The following DCAF6 variants were observed in gnomAD, a reference collection of about 807,000 sequenced individuals.
DCAF6 encodes the protein DDB1- and CUL4-associated factor 6.
DCAF6 carries 54 observed loss-of-function variants against 125.1 expected under a neutral mutation model. The observed-to-expected ratio is 0.43, with a 90% CI of 0.35 to 0.54. The LOEUF (loss-of-function observed/expected upper bound fraction) is 0.54. Among genes scored for constraint, DCAF6 ranks in the 20% least tolerant of loss-of-function variants. The pLI, the probability that DCAF6 is intolerant of heterozygous loss-of-function variation, is 0.01. For synonymous variants in DCAF6, 371 were observed against 390.4 expected (o/e 0.95, Z 0.58); for missense variants, 934 against 1,161.7 (o/e 0.80, Z 2.85).
chr1:167,916,476 G>A, the DCAF6 span, among the ~76,000 whole-genome samples: 14 of 152,226 alleles, frequency 9.2e-5, no homozygotes, highest in East Asian at 1.9e-4. Context: ...CAAAGTGCTC[G>A]GATTACAGGC....
upstream of DCAF6, among the ~76,000 whole-genome samples, chr1:167,931,092 C>G (rs1390325697): frequency 1.3e-5 from 2 of 152,168 alleles, no homozygotes; most frequent in Non-Finnish European, 2.9e-5. Flanking sequence ...CCACCATGCC[C>G]AGCTAAATTT....
Position 168,038,412 on chromosome 1 carries a change from G to T in DCAF6, c.1651G>T (p.Glu551Ter). The T allele has an allele frequency of 6.2e-7, 1 of 1,612,138 alleles. No homozygotes were observed. Among genetic ancestry groups the T allele is most frequent in the South Asian group, 1.1e-5 (1 of 90,688 alleles). ...EKLSPKPGTG[E>*]PVLSLHYSTE... ...GCTGAGCCCCAAACCAGGGACAGGT[G>T]AACCAGTTTTAAGTTTGCACTACAG... The change falls in exon 13 of 22, where the codon GAA becomes TAA. Residue 551 changes from glutamate to a stop codon, truncating the protein, a stop_gained. Coordinates refer to ENST00000367840, the MANE Select transcript of DCAF6 (RefSeq NM_001198956.2). LOFTEE classifies it high-confidence loss of function.
intron 13 of DCAF6, among the ~76,000 whole-genome samples, chr1:168,041,892 GCGCA>G (rs66514173): frequency 0.39 from 46,333 of 119,460 alleles, 8,269 homozygotes; most frequent in Admixed American, 0.53. Context: ...CATGTTTGTC[GCGCA>G]CACACACACA....
chr1:167,953,098 T>G (rs1014939161), intron 2 of DCAF6, among the ~76,000 whole-genome samples: 1 of 152,202 alleles, frequency 6.6e-6, no homozygotes. Flanking sequence ...AATTTAATAA[T>G]ATTGACTGTT....
chr1:167,886,211 T>C, the DCAF6 span, among the ~76,000 whole-genome samples: 1 of 152,124 alleles, frequency 6.6e-6, no homozygotes, highest in Non-Finnish European at 1.5e-5. Context: ...AAAGTTCATA[T>C]GGAACCAAAA....
chr1:168,018,221 AG>A (rs1162288847), intron 11 of DCAF6, among the ~76,000 whole-genome samples: 2 of 152,242 alleles, frequency 1.3e-5, no homozygotes, highest in Admixed American at 6.5e-5. Flanking sequence ...GGATAATCCC[AG>A]ATGGAATATT....
chr1:168,012,986 A>G (rs921150754), intron 10 of DCAF6, among the ~76,000 whole-genome samples: 3 of 152,298 alleles, frequency 2.0e-5, no homozygotes, highest in Non-Finnish European at 2.9e-5. Flanking sequence ...TGACACTCCA[A>G]TGAAATTGAT....
intron 1 of DCAF6, among the ~76,000 whole-genome samples, chr1:167,949,657 A>AT (rs1203606554): frequency 3.3e-5 from 5 of 152,070 alleles, no homozygotes; most frequent in African/African-American, 1.2e-4. Context: ...TGAGTAGTAA[A>AT]TTTTTTTGCC....
the DCAF6 span, among the ~76,000 whole-genome samples, chr1:167,874,536 T>C: frequency 6.6e-6 from 1 of 152,208 alleles, no homozygotes; most frequent in Admixed American, 6.5e-5. Context: ...TCAGTCAGAA[T>C]ATAAATAAAT....
chr1:167,938,220 G>T (rs534358091), intron 1 of DCAF6, among the ~76,000 whole-genome samples: 36 of 152,044 alleles, frequency 2.4e-4, no homozygotes, highest in African/African-American at 8.2e-4. Context: ...CTTTTTGTTT[G>T]CATTCTTACA....
rs111603041 is a variant in DCAF6 at position 167,952,420 on chromosome 1, T to C, written c.159+559T>C. 5.3e-3 allele frequency among the ~76,000 whole-genome samples: 805 copies of C among 152,202 alleles called. 5 individuals carry two copies. Among genetic ancestry groups the C allele is most frequent in the African/African-American group, 0.018 (761 of 41,534 alleles). ...TTTTTTAGTAGAGACAGGGTTTCAC[T>C]GTGTTAGCCAGGATGGTGTTGATCT... On this transcript the variant is annotated intron_variant, in intron 2 of 21. Transcript: ENST00000367840.
chr1:167,985,239 G>A (rs901225733), intron 4 of DCAF6, among the ~76,000 whole-genome samples: 4 of 151,948 alleles, frequency 2.6e-5, no homozygotes, highest in South Asian at 2.1e-4. Context: ...GTGTGTGTGC[G>A]TGCGCGTGTG....
chr1:168,054,819 G>GTTTTT (rs370002372), intron 17 of DCAF6, among the ~76,000 whole-genome samples: 1 of 141,054 alleles, frequency 7.1e-6, no homozygotes, highest in Non-Finnish European at 1.5e-5. Flanking sequence ...TACGGGTTTG[G>GTTTTT]TTTTTTTTTT....
chr1:168,019,942 A>T (rs11587594), intron 11 of DCAF6: 31,779 of 153,868 alleles, frequency 0.21, 4,043 homozygotes, highest in Admixed American at 0.37. Flanking sequence ...AGTAGTTAAT[A>T]AATTAGATAT....
Position 167,966,698 on chromosome 1 carries a change from A to G in DCAF6, c.229A>G (p.Ile77Val), listed in dbSNP as rs774759088. 6.9e-6 allele frequency: 11 copies of G among 1,595,652 alleles called. No individual in the cohort carries two copies. Among genetic ancestry groups the G allele is most frequent in the Non-Finnish European group, 9.4e-6 (11 of 1,164,478 alleles). Residue 77 changes from isoleucine (I) to valine (V), a missense_variant, in exon 3 of 22, where the codon ATT becomes GTT. By Grantham distance (29) the Ile-to-Val change is conservative. Transcript: ENST00000367840. ...TGGCTCAGATGACACCAAATTAGTAATTAGTAATCCTTACAGCAGAAAGGT... is the reference window on the plus strand; with the variant it reads ...TGGCTCAGATGACACCAAATTAGTAGTTAGTAATCCTTACAGCAGAAAGGT... The part of the protein sequence containing the change: ...LSGSDDTKLV[I>V]SNPYSRKVLT...
the DCAF6 span, chr1:167,880,705 G>T: frequency 1.2e-6 from 1 of 868,850 alleles, no homozygotes; most frequent in Non-Finnish European, 2.0e-6. Flanking sequence ...GCAATTTTTG[G>T]CTTCTGAATC....
At chr1:168,065,565 TTAAA>T in intron 18 of DCAF6, 21 bp from the exon 19 acceptor site, 2 of 1,474,954 alleles carry the variant, frequency 1.4e-6, no homozygotes, top group South Asian at 1.3e-5. Flanking sequence ...ATTTGAATTT[TTAAA>T]TAATTTTTTT....
At chr1:168,061,127 A>G (rs1438346356) in intron 17 of DCAF6, among the ~76,000 whole-genome samples, 2 of 152,196 alleles carry the variant, frequency 1.3e-5, no homozygotes, top group Non-Finnish European at 2.9e-5. Flanking sequence ...TTTCGAGAAT[A>G]TTTGACCTCT....
chr1:167,975,438 G>C (rs896558269), intron 4 of DCAF6, among the ~76,000 whole-genome samples: 4 of 152,282 alleles, frequency 2.6e-5, no homozygotes, highest in African/African-American at 9.6e-5. Flanking sequence ...AAAAGAATCA[G>C]ATTCCTAAAG....
Sources: allele counts gnomAD v4.1 joint callset (sites outside exome capture counted in the v4.1 genomes callset), GRCh38; gene constraint gnomAD v4.1.1; transcripts MANE v1.5; gene names NCBI Gene and HGNC (gene_info 2026-07-23, HGNC 2026-07-21).